FAM186A: variants seen among roughly 807,000 people sequenced by gnomAD.
The protein encoded by FAM186A is family with sequence similarity 186 member A.
In FAM186A, 163 loss-of-function variants were observed where a neutral mutation model predicts 216.8. That is an observed-to-expected ratio of 0.75 (90% CI 0.66 to 0.86). FAM186A has a LOEUF of 0.86. Ranked by LOEUF, FAM186A falls within the 40% of genes least tolerant of loss-of-function variation. The pLI is 0.00. For missense variants in FAM186A, 2,184 were observed against 2,746.2 expected, an observed-to-expected ratio of 0.80 and a Z score of 4.58; for synonymous variants, 805 against 1,025.3, an observed-to-expected ratio of 0.79 and a Z score of 4.10.
intron 4 of FAM186A, among the ~76,000 whole-genome samples, chr12:50,344,341 C>G (rs141715456): frequency 1.3e-5 from 2 of 152,230 alleles, no homozygotes; most frequent in South Asian, 2.1e-4. Flanking sequence ...CAACATTTAG[C>G]TCCATTTATA....
At chr12:50,372,451 G>T (rs1055420231) in intron 1 of FAM186A, among the ~76,000 whole-genome samples, 1 of 151,750 alleles carries the variant, frequency 6.6e-6, no homozygotes, top group Admixed American at 6.6e-5. Context: ...AAAATTAGCC[G>T]GGCATGGTGG....
intron 4 of FAM186A, among the ~76,000 whole-genome samples, chr12:50,342,604 A>G (rs1183676492): frequency 6.6e-6 from 1 of 150,704 alleles, no homozygotes; most frequent in Non-Finnish European, 1.5e-5. Context: ...CCTCCCGAGT[A>G]GCTGGGACTA....
At chr12:50,359,007 C>T (rs1943005933) in intron 3 of FAM186A, among the ~76,000 whole-genome samples, 1 of 151,692 alleles carries the variant, frequency 6.6e-6, no homozygotes, top group Non-Finnish European at 1.5e-5. Flanking sequence ...ATGGAAATAG[C>T]TTAATAAGCA....
At chr12:50,348,856 A>AT (rs1428823270) in intron 4 of FAM186A, among the ~76,000 whole-genome samples, 2 of 151,978 alleles carry the variant, frequency 1.3e-5, no homozygotes, top group African/African-American at 4.8e-5. Context: ...ACGCGTGGCC[A>AT]TTTTTTTGTT....
At chr12:50,346,570 G>A (rs1046315016) in intron 4 of FAM186A, among the ~76,000 whole-genome samples, 2 of 152,056 alleles carry the variant, frequency 1.3e-5, no homozygotes, top group African/African-American at 2.4e-5. Flanking sequence ...AAAAATCGCC[G>A]GGCGTGGTGG....
At chr12:50,386,127 C>T (rs1943300853) in intron 1 of FAM186A, among the ~76,000 whole-genome samples, 1 of 151,852 alleles carries the variant, frequency 6.6e-6, no homozygotes, top group South Asian at 2.1e-4. Flanking sequence ...GTGTTCTCAC[C>T]ACAAAAAGAA....
chr12:50,373,139 C>T (rs1565893194), intron 1 of FAM186A, among the ~76,000 whole-genome samples: 1 of 151,646 alleles, frequency 6.6e-6, no homozygotes. Flanking sequence ...TGGCTCACAC[C>T]TGTAATCCCA....
In FAM186A at chr12:50,353,766, C is replaced by T; in HGVS notation, c.3066G>A (p.Arg1022=). The part of the protein sequence containing the change: ...RWKSVLKDVQ[R]SYEGKEFQRN... ...TCTGAAACTCTTTTCCTTCATATGA[C>T]CGCTGTACATCTTTCAATACACTCT... Residue 1022 remains arginine (R), a synonymous_variant, in exon 4 of 8, where the codon CGG becomes CGA. Transcript: ENST00000327337. The T allele has an allele frequency of 6.4e-7, 1 of 1,551,486 alleles. No individual in the cohort carries two copies. Among genetic ancestry groups the T allele is most frequent in the Non-Finnish European group, 8.7e-7 (1 of 1,146,882 alleles).
Position 50,353,423 on chromosome 12 carries a change from G to C in FAM186A, c.3409C>G (p.Pro1137Ala). The stretch of plus-strand genomic sequence containing the variant: ...ATCCCTTGAACCTGGGTCTGCTGAG[G>C]GGTGAGAGGGATCCCCAGGGCCTGC... ...QAQALGIPLT[P>A]QQTQVQGITL... The change falls in exon 4 of 8, where the codon CCT becomes GCT. Residue 1137 changes from proline to alanine, a missense_variant. Physicochemically the swap from Pro to Ala is conservative, Grantham distance 27 (BLOSUM62 -1). Transcript: ENST00000327337. 1 of 1,531,216 alleles carries C rather than the reference G, an allele frequency of 6.5e-7. No individual in the cohort carries two copies. Among genetic ancestry groups the C allele is most frequent in the African/African-American group, 1.4e-5 (1 of 71,766 alleles). 94.9% of individuals were successfully genotyped at this position (1,531,216 alleles called of 1,614,324 possible). A position where few individuals can be genotyped will look rare whatever the true frequency, so the allele number is the denominator to read the frequency against.
chr12:50,386,444 C>T (rs1312286685), intron 1 of FAM186A, among the ~76,000 whole-genome samples: 1 of 151,846 alleles, frequency 6.6e-6, no homozygotes, highest in Non-Finnish European at 1.5e-5. Flanking sequence ...AACAAAGAAA[C>T]AAACAAAAAA....
At chr12:50,345,763 G>T (rs1942805380) in intron 4 of FAM186A, among the ~76,000 whole-genome samples, 1 of 152,108 alleles carries the variant, frequency 6.6e-6, no homozygotes, top group Non-Finnish European at 1.5e-5. Context: ...TTATAGTATA[G>T]TTTGAAGTTG....
Position 50,352,805 on chromosome 12 carries a change from G to T in FAM186A, c.4027C>A (p.Gln1343Lys). 1 of 1,549,178 alleles carries T rather than the reference G, an allele frequency of 6.5e-7. No individual in the cohort carries two copies. The highest frequency in any genetic ancestry group is 8.7e-7 in the Non-Finnish European group (1 of 1,145,990). ...QTQEITLTPQ[Q>K]AQALGMPLTT... ...AGAGGCATCCCCAAGGCCTGGGCCTGCTGAGGGGTGAGAGTGATCTCCTGA... is the reference window on the plus strand; with the variant it reads ...AGAGGCATCCCCAAGGCCTGGGCCTTCTGAGGGGTGAGAGTGATCTCCTGA... Residue 1343 changes from glutamine to lysine, a missense_variant, in exon 4 of 8, where the codon CAG becomes AAG. Gln to Lys is a moderately conservative substitution (Grantham distance 53). Transcript: ENST00000327337.
intron 1 of FAM186A, 138 bp from the exon 2 acceptor site, chr12:50,363,502 G>T (rs1240914653): frequency 1.3e-6 from 1 of 771,398 alleles, no homozygotes. Context: ...TTTATTGTGA[G>T]TCTCAAATTT....
Position 50,354,231 on chromosome 12 carries a change from C to G in FAM186A, c.2601G>C (p.Trp867Cys). The change falls in exon 4 of 8, where the codon TGG becomes TGC. Residue 867 changes from tryptophan to cysteine, a missense_variant. Trp to Cys is a radical substitution (Grantham distance 215). Coordinates refer to ENST00000327337, the MANE Select transcript of FAM186A (RefSeq NM_001145475.3). ...ISENWEEKKA[W>C]LQMKEGKQEQ... ...CTTGCTTTCCCTCCTTCATCTGGAGCCATGCCTTTTTTTCTTCCCAATTCT... is the reference window on the plus strand; with the variant it reads ...CTTGCTTTCCCTCCTTCATCTGGAGGCATGCCTTTTTTTCTTCCCAATTCT... The G allele has an allele frequency of 6.4e-7, 1 of 1,551,708 alleles. No individual in the cohort carries two copies. Among genetic ancestry groups the G allele is most frequent in the South Asian group, 1.2e-5 (1 of 84,064 alleles).
intron 3 of FAM186A, among the ~76,000 whole-genome samples, chr12:50,358,943 A>C (rs1943005303): frequency 6.7e-6 from 1 of 149,842 alleles, no homozygotes; most frequent in African/African-American, 2.5e-5. Context: ...AAAAAGTTAA[A>C]ACTCAATTTC....
chr12:50,393,330 G>A (rs1943381261), intron 1 of FAM186A, among the ~76,000 whole-genome samples: 1 of 151,638 alleles, frequency 6.6e-6, no homozygotes, highest in Admixed American at 6.6e-5. Context: ...CTGAGGTCAG[G>A]AGTTCAAGAC....
chr12:50,355,190 T>C lies in FAM186A; in HGVS notation c.1642A>G (p.Arg548Gly). The change falls in exon 4 of 8, where the codon AGG becomes GGG. Residue 548 changes from arginine to glycine, a missense_variant. Physicochemically the swap from Arg to Gly is moderately radical, Grantham distance 125. Around this residue, in one of 7 missense-constraint regions of FAM186A, gnomAD observed 1,132 missense variants for 1,263.4 expected, o/e 0.90. Transcript: ENST00000327337. ...GTSMMMLEQFRKVKRESPFDK... is the reference protein window; with the variant it reads ...GTSMMMLEQFGKVKRESPFDK... ...AATGGAGATTCACGTTTGACCTTCC[T>C]AAATTGCTCCAACATCATCATACTT... 1 of 1,551,736 alleles carries C rather than the reference T, an allele frequency of 6.4e-7. No individual in the cohort carries two copies. Among genetic ancestry groups the C allele is most frequent in the Non-Finnish European group, 8.7e-7 (1 of 1,147,004 alleles).
intron 1 of FAM186A, among the ~76,000 whole-genome samples, chr12:50,367,448 G>A (rs1036514417): frequency 6.8e-6 from 1 of 147,974 alleles, no homozygotes; most frequent in South Asian, 2.1e-4. Context: ...AACCTGGGAG[G>A]CAGAGCTTGC....
intron 4 of FAM186A, among the ~76,000 whole-genome samples, chr12:50,334,556 C>T (rs781130966): frequency 6.6e-6 from 1 of 151,986 alleles, no homozygotes; most frequent in Non-Finnish European, 1.5e-5. Flanking sequence ...TGACTCACTG[C>T]AACCTCTGCC....
Sources: gnomAD v4.1 joint callset for allele counts (sites outside exome capture counted in the v4.1 genomes callset) on GRCh38, gnomAD v4.1.1 for gene constraint, gnomAD v4.1.1 regional missense constraint, MANE v1.5 for transcripts, NCBI Gene and HGNC (gene_info 2026-07-23, HGNC 2026-07-21) for gene names.